C10orf90: variants seen among roughly 807,000 people sequenced by gnomAD.
C10orf90 encodes the protein (E2-independent) E3 ubiquitin-conjugating enzyme FATS.
Under a neutral mutation model 62.5 loss-of-function variants are expected in C10orf90, and 56 were observed. That is an observed-to-expected ratio of 0.90 (90% confidence interval 0.72 to 1.12). The LOEUF is 1.12. Ranked by LOEUF, C10orf90 falls within the 50% of genes most tolerant of loss-of-function variation. The probability of loss-of-function intolerance (pLI) is 0.00; values close to 1 mark genes in which losing one functional copy is unlikely to be tolerated. For synonymous variants in C10orf90, 386 were observed against 340.4 expected, an observed-to-expected ratio of 1.13 and a Z score of -1.47; for missense variants, 970 against 880.4, an observed-to-expected ratio of 1.10 and a Z score of -1.29.
intron 1 of C10orf90, among the ~76,000 whole-genome samples, chr10:126,656,452 G>C (rs181681163): frequency 6.6e-6 from 1 of 152,288 alleles, no homozygotes; most frequent in Non-Finnish European, 1.5e-5. Flanking sequence ...AAAAATTGAA[G>C]AGTTAATGAA....
chr10:126,502,413 A>T (rs1862457071), intron 4 of C10orf90, among the ~76,000 whole-genome samples: 2 of 152,202 alleles, frequency 1.3e-5, no homozygotes, highest in Non-Finnish European at 2.9e-5. Context: ...CAGGATGCAG[A>T]ATAAATTTAT....
Position 126,547,498 on chromosome 10 carries a change from GA to G in C10orf90, c.314-33560del, listed in dbSNP as rs34204650. ...GAACCAGAAACATCTTTAACTGAGT[GA>G]AAAAAAAAAAAAAAGACAATAGATG... On this transcript the variant is annotated intron_variant, in intron 2 of 9. Coordinates refer to ENST00000488181, the MANE Select transcript of C10orf90 (RefSeq NM_001350921.2). Among the ~76,000 whole-genome samples, 284 of 114,140 alleles carry G rather than the reference GA, an allele frequency of 2.5e-3. 1 individual carries two copies. The highest frequency in any genetic ancestry group is 5.6e-3 in the African/African-American group (164 of 29,510). The allele number at this position is 114,140 out of a possible 152,430, so 74.9% of individuals were successfully genotyped here.
intron 4 of C10orf90, among the ~76,000 whole-genome samples, chr10:126,466,037 T>C (rs1398760562): frequency 1.3e-5 from 2 of 150,902 alleles, no homozygotes; most frequent in Non-Finnish European, 3.0e-5. Flanking sequence ...GTACTCTTGA[T>C]TTTTTTAAAC....
At chr10:126,511,499 C>G (rs1863106225) in intron 3 of C10orf90, among the ~76,000 whole-genome samples, 1 of 152,222 alleles carries the variant, frequency 6.6e-6, no homozygotes, top group East Asian at 1.9e-4. Flanking sequence ...AACTGAAACT[C>G]TATACCCAGT....
At chr10:126,445,893 T>C (rs964212806) in intron 7 of C10orf90, among the ~76,000 whole-genome samples, 4 of 150,566 alleles carry the variant, frequency 2.7e-5, no homozygotes, top group Admixed American at 2.7e-4. Context: ...CTGGATGAAA[T>C]TGGAGACTAA....
chr10:126,538,320 C>G (rs1212941902), intron 2 of C10orf90, among the ~76,000 whole-genome samples: 1 of 152,152 alleles, frequency 6.6e-6, no homozygotes, highest in Non-Finnish European at 1.5e-5. Context: ...AGCTACAATT[C>G]AAGATGAGAT....
intron 7 of C10orf90, among the ~76,000 whole-genome samples, chr10:126,433,649 C>T (rs1857726865): frequency 6.6e-6 from 1 of 152,146 alleles, no homozygotes; most frequent in East Asian, 1.9e-4. Context: ...AGGATATGTA[C>T]AGCATGACCC....
At chr10:126,510,224 T>C (rs925865108) in intron 3 of C10orf90, among the ~76,000 whole-genome samples, 9 of 151,946 alleles carry the variant, frequency 5.9e-5, no homozygotes, top group Non-Finnish European at 1.2e-4. Context: ...TTAGTGGGGG[T>C]AGTGGGGGAT....
chr10:126,459,606 G>A (rs546057856), intron 6 of C10orf90, among the ~76,000 whole-genome samples: 6 of 152,332 alleles, frequency 3.9e-5, no homozygotes, highest in East Asian at 3.9e-4. Context: ...GGGCATGGAG[G>A]TGCTGAGTCA....
chr10:126,637,887 GGA>G (rs1845983536), intron 2 of C10orf90, among the ~76,000 whole-genome samples: 1 of 152,232 alleles, frequency 6.6e-6, no homozygotes, highest in Non-Finnish European at 1.5e-5. Flanking sequence ...GGCTGTAGAT[GGA>G]GATGAGAATG....
intron 4 of C10orf90, among the ~76,000 whole-genome samples, chr10:126,498,667 G>A (rs948684677): frequency 1.3e-5 from 2 of 152,340 alleles, no homozygotes; most frequent in Middle Eastern, 3.4e-3. Flanking sequence ...CCTGTAGGAA[G>A]AGTGCCCTCG....
At chr10:126,611,437 T>C (rs762196612) in intron 2 of C10orf90, among the ~76,000 whole-genome samples, 1 of 146,488 alleles carries the variant, frequency 6.8e-6, no homozygotes, top group African/African-American at 2.5e-5. Context: ...TTTTGGCTAT[T>C]AGGAGTAATG....
At position 126,429,986 on chromosome 10, in the gene C10orf90, T is replaced by C. The variant is rs927580541; in HGVS notation, c.2189-136A>G. Reference sequence around the variant, plus strand: ...TATCCTGAGTCTAAGCAGAACTCAGTAGAGACTGATACACCATAAGTGGTT... The same window carrying C: ...TATCCTGAGTCTAAGCAGAACTCAGCAGAGACTGATACACCATAAGTGGTT... On this transcript the variant is annotated intron_variant, in intron 7 of 9. Coordinates refer to ENST00000488181, the MANE Select transcript of C10orf90 (RefSeq NM_001350921.2). 4 of 739,830 alleles carry C rather than the reference T, an allele frequency of 5.4e-6. No individual in the cohort carries two copies. In the African/African-American group the frequency reaches 7.0e-5, roughly 13 times the overall value. 45.8% of individuals were successfully genotyped at this position (739,830 alleles called of 1,614,324 possible). A position where few individuals can be genotyped will look rare whatever the true frequency, so the allele number is the denominator to read the frequency against.
intron 2 of C10orf90, among the ~76,000 whole-genome samples, chr10:126,537,110 C>T (rs1864258463): frequency 6.6e-6 from 1 of 152,188 alleles, no homozygotes; most frequent in South Asian, 2.1e-4. Context: ...AGATCCTTAA[C>T]TTCCCCTTCT....
At position 126,621,621 on chromosome 10, in the gene C10orf90, A is replaced by G. The variant is rs1470395789; in HGVS notation, c.313+24944T>C. Among the ~76,000 whole-genome samples, 7 of 152,330 alleles carry G rather than the reference A, an allele frequency of 4.6e-5. No homozygotes were observed. The East Asian group carries it at 1.4e-3, about 29-fold the overall frequency. ...TAATAAATGTTGATTGTTTATTATG[A>G]TAATGATGACATATGGTATATTTAT... is the stretch of plus-strand genomic sequence containing the variant. On this transcript the variant is annotated intron_variant, in intron 2 of 9. Coordinates refer to ENST00000488181, the MANE Select transcript of C10orf90 (RefSeq NM_001350921.2).
intron 2 of C10orf90, among the ~76,000 whole-genome samples, chr10:126,637,472 C>A (rs778548929): frequency 1.3e-5 from 2 of 152,232 alleles, no homozygotes; most frequent in Non-Finnish European, 2.9e-5. Context: ...CCTGCTCTTG[C>A]GGAGCTTGTG....
chr10:126,563,434 G>C (rs966184201), intron 2 of C10orf90, among the ~76,000 whole-genome samples: 1 of 152,158 alleles, frequency 6.6e-6, no homozygotes, highest in Non-Finnish European at 1.5e-5. Context: ...AAGCTCCTGT[G>C]GTCACTGGGT....
chr10:126,528,583 G>T (rs989442383), intron 2 of C10orf90, among the ~76,000 whole-genome samples: 10 of 152,216 alleles, frequency 6.6e-5, no homozygotes, highest in Non-Finnish European at 1.5e-4. Context: ...CAGCAATTCT[G>T]CAGTGGCAAT....
At chr10:126,509,707 G>A (rs914752846) in intron 3 of C10orf90, among the ~76,000 whole-genome samples, 4 of 152,090 alleles carry the variant, frequency 2.6e-5, no homozygotes, top group South Asian at 2.1e-4. Context: ...CAACAAACTC[G>A]GAGATATTGA....
Sources: gnomAD v4.1 joint callset for allele counts (sites outside exome capture counted in the v4.1 genomes callset) on GRCh38, gnomAD v4.1.1 for gene constraint, MANE v1.5 for transcripts, NCBI Gene and HGNC (gene_info 2026-07-23, HGNC 2026-07-21) for gene names.